The following NUDT16L1 variants were observed in gnomAD, a reference collection of about 807,000 sequenced individuals.
NUDT16L1 encodes nudix hydrolase 16 like 1.
NUDT16L1 carries 19 observed loss-of-function variants against 17.3 expected under a neutral mutation model. The ratio of observed to expected loss-of-function variants is 1.10; its 90% confidence interval spans 0.77 to 1.61. The LOEUF (loss-of-function observed/expected upper bound fraction) is 1.61, where lower values mean the gene tolerates loss of function less well. NUDT16L1 is among the 40% of genes most tolerant of loss of function. NUDT16L1 has a pLI of 0.00. For synonymous variants in NUDT16L1, 255 were observed against 138.6 expected (o/e 1.84, Z -5.90); for missense variants, 341 against 292.0 (o/e 1.17, Z -1.22).
exon 3 of NUDT16L1, chr16:4,695,175 C>G: frequency 1.2e-6 from 2 of 1,612,162 alleles, no homozygotes; most frequent in Non-Finnish European, 1.7e-6. Flanking sequence ...CCGGCCTCCT[C>G]TTGAGGGCTG....
At chr16:4,694,967 C>G in exon 3 of NUDT16L1, 1 of 1,609,024 alleles carries the variant, frequency 6.2e-7, no homozygotes, top group Non-Finnish European at 8.5e-7. Context: ...GGTGCTGGGC[C>G]TCGTGCGGGT....
chr16:4,694,718 G>T (rs980941602), intron 2 of NUDT16L1: 173 of 1,422,276 alleles, frequency 1.2e-4, no homozygotes, highest in Non-Finnish European at 1.5e-4. Context: ...CCGGGGTGGG[G>T]TGGCCTGGGT....
exon 1 of NUDT16L1, chr16:4,693,818 T>G (rs2079477349): frequency 3.2e-6 from 5 of 1,572,000 alleles, no homozygotes; most frequent in Non-Finnish European, 4.3e-6. Flanking sequence ...TGCCACGCCA[T>G]GCTGTACGCC....
chr16:4,694,549 T>C, intron 2 of NUDT16L1: 1 of 1,451,508 alleles, frequency 6.9e-7, no homozygotes, highest in East Asian at 2.5e-5. Flanking sequence ...GGGGATTGCT[T>C]GGGGAGTTGG....
intron 2 of NUDT16L1, chr16:4,694,609 C>A: frequency 7.0e-7 from 1 of 1,424,998 alleles, no homozygotes; most frequent in Non-Finnish European, 9.2e-7. Context: ...TCATGTTGGG[C>A]GTGAAGGCTC....
chr16:4,695,680 T>A (rs776962750), exon 3 of NUDT16L1: 2 of 404,536 alleles, frequency 4.9e-6, no homozygotes, highest in Non-Finnish European at 8.7e-6. Flanking sequence ...TTGTTGGATT[T>A]ACTTTGCTAG....
In NUDT16L1 at chr16:4,693,697, G is replaced by A. The variant is rs553855306; in HGVS notation, c.-30G>A. The A allele has an allele frequency of 7.6e-5, 113 of 1,482,380 alleles. No individual in the cohort carries two copies. The East Asian group carries it at 8.1e-4, about 11-fold the overall frequency. The allele number at this position is 1,482,380 out of a possible 1,614,324, so 91.8% of individuals were successfully genotyped here. On this transcript the variant is annotated 5_prime_UTR_variant, in exon 1 of 3. Transcript: ENST00000304301. Reference sequence around the variant, plus strand: ...GGCGGGCTCGCGCATGCTCTTAAGTGGCAGCGGCGGGGACGGGGTCAGTGC... The same window carrying A: ...GGCGGGCTCGCGCATGCTCTTAAGTAGCAGCGGCGGGGACGGGGTCAGTGC...
chr16:4,694,182 G>A, exon 2 of NUDT16L1: 1 of 1,576,416 alleles, frequency 6.3e-7, no homozygotes, highest in Non-Finnish European at 8.5e-7. Flanking sequence ...GCTGACGCTG[G>A]AGCAGCTGCA....
rs1319368737 is a variant in NUDT16L1, at chr16:4,693,892, G to T, written c.153+13G>T. 3.3e-6 allele frequency: 5 copies of T among 1,494,510 alleles called. No homozygotes were observed. The highest frequency in any genetic ancestry group is 3.5e-6 in the Non-Finnish European group (4 of 1,131,206). The allele number at this position is 1,494,510 out of a possible 1,614,324, so 92.6% of individuals were successfully genotyped here. ...CTTCTCGGTGCTGGTGAGGACGGGC[G>T]AGGGCGCGGGCGAGGGTGCCGGCGC... On this transcript the variant is annotated intron_variant, in intron 1 of 2. Transcript: ENST00000304301.
chr16:4,693,601 G>A (rs2079473260), upstream of NUDT16L1: 5 of 1,140,094 alleles, frequency 4.4e-6, no homozygotes, highest in African/African-American at 1.6e-5. Flanking sequence ...CGGTCCCGGG[G>A]CGCGCCGGCG....
chr16:4,694,722 C>T, intron 2 of NUDT16L1: 1 of 1,415,294 alleles, frequency 7.1e-7, no homozygotes, highest in Non-Finnish European at 9.2e-7. Context: ...GGTGGGGTGG[C>T]CTGGGTACGA....
chr16:4,694,451 CTG>C (rs1184798004), intron 2 of NUDT16L1: 4 of 1,523,436 alleles, frequency 2.6e-6, no homozygotes, highest in South Asian at 1.2e-5. Flanking sequence ...TCCCTCAGGG[CTG>C]TGTTACATCC....
In NUDT16L1 at chr16:4,693,896, G is replaced by A; in HGVS notation, c.153+17G>A. 3 of 1,487,244 alleles carry A rather than the reference G, an allele frequency of 2.0e-6. No individual in the cohort carries two copies. Among genetic ancestry groups the A allele is most frequent in the Non-Finnish European group, 1.8e-6 (2 of 1,127,164 alleles). The allele number at this position is 1,487,244 out of a possible 1,614,324, so 92.1% of individuals were successfully genotyped here. Reference sequence around the variant, plus strand: ...TCGGTGCTGGTGAGGACGGGCGAGGGCGCGGGCGAGGGTGCCGGCGCGGGC... The same window carrying A: ...TCGGTGCTGGTGAGGACGGGCGAGGACGCGGGCGAGGGTGCCGGCGCGGGC... On this transcript the variant is annotated intron_variant, in intron 1 of 2. Coordinates refer to ENST00000304301, the Ensembl canonical transcript of NUDT16L1.
chr16:4,695,693 T>G, exon 3 of NUDT16L1: 2 of 404,154 alleles, frequency 4.9e-6, no homozygotes, highest in Non-Finnish European at 8.7e-6. Flanking sequence ...TTTGCTAGAT[T>G]TTCTCTTTCA....
At chr16:4,695,448 A>T in exon 3 of NUDT16L1, 1 of 587,124 alleles carries the variant, frequency 1.7e-6, no homozygotes, top group Non-Finnish European at 3.0e-6. Context: ...CTGGGCTCAG[A>T]CCCTCCTCTT....
chr16:4,693,769 G>A, exon 1 of NUDT16L1: 1 of 1,565,066 alleles, frequency 6.4e-7, no homozygotes. Flanking sequence ...GATCAGCCGG[G>A]TGGAGGCGAT....
chr16:4,695,336 G>A, exon 3 of NUDT16L1: 1 of 756,052 alleles, frequency 1.3e-6, no homozygotes, highest in Non-Finnish European at 2.1e-6. Context: ...GTCACTAGGT[G>A]GCGGCCGGGC....
At chr16:4,694,831 G>C in intron 2 of NUDT16L1, 127 bp from the exon 3 acceptor site, 1 of 1,458,136 alleles carries the variant, frequency 6.9e-7, no homozygotes, top group Non-Finnish European at 9.0e-7. Context: ...GCCCTGCGTG[G>C]GTCTCCCATT....
upstream of NUDT16L1, chr16:4,693,570 A>C (rs915205368): frequency 2.5e-6 from 2 of 812,564 alleles, no homozygotes; most frequent in African/African-American, 1.8e-5. Context: ...TCGACGACGC[A>C]CCGCGGCGCT....
Sources: allele counts gnomAD v4.1 joint callset, GRCh38; gene constraint gnomAD v4.1.1; transcripts MANE v1.5; gene names NCBI Gene and HGNC (gene_info 2026-07-23, HGNC 2026-07-21).